Variants in SLIT3 observed in about 807,000 individuals in gnomAD.
SLIT3 encodes the protein slit guidance ligand 3, also known as slit homolog 3 protein.
SLIT3 carries 68 observed loss-of-function variants against 184.0 expected under a neutral mutation model. The observed-to-expected ratio is 0.37, with a 90% CI of 0.30 to 0.45. SLIT3 has a LOEUF of 0.45. Ranked by LOEUF, SLIT3 falls within the 20% of genes least tolerant of loss-of-function variation. The pLI is 1.00. For synonymous variants in SLIT3, 831 were observed against 828.6 expected (o/e 1.00, Z -0.05); for missense variants, 1,707 against 2,026.0 (o/e 0.84, Z 3.02).
At chr5:168,897,646 G>GCGCACA in intron 4 of SLIT3, among the ~76,000 whole-genome samples, 22 of 105,448 alleles carry the variant, frequency 2.1e-4, no homozygotes, top group Middle Eastern at 4.6e-3. Flanking sequence ...ACAGGTGCAC[G>GCGCACA]TACACACACA....
Position 169,203,340 on chromosome 5 carries a change from C to T in SLIT3, c.342-9790G>A, listed in dbSNP as rs1424151418. Among the ~76,000 whole-genome samples, 13 of 140,978 alleles carry T rather than the reference C, an allele frequency of 9.2e-5. No homozygotes were observed. In the Admixed American group the frequency reaches 9.8e-4, roughly 11 times the overall value. 92.5% of individuals were successfully genotyped at this position (140,978 alleles called of 152,430 possible). A position where few individuals can be genotyped will look rare whatever the true frequency, so the allele number is the denominator to read the frequency against. ...GGAAGAAAGCACATATTTATGCGTGCATGTGAATGTGCACACACACACACA... is the reference window on the plus strand; with the variant it reads ...GGAAGAAAGCACATATTTATGCGTGTATGTGAATGTGCACACACACACACA... On this transcript the variant is annotated intron_variant, in intron 3 of 35. Coordinates refer to ENST00000519560, the MANE Select transcript of SLIT3 (RefSeq NM_003062.4).
At chr5:168,823,165 T>C (rs1282008928) in intron 7 of SLIT3, 95 bp downstream of exon 7, 2 of 978,046 alleles carry the variant, frequency 2.0e-6, no homozygotes, top group African/African-American at 3.2e-5. Flanking sequence ...ATCTGCCTAG[T>C]CATAGCATGG....
At chr5:169,226,230 G>C (rs1281703639) in intron 3 of SLIT3, among the ~76,000 whole-genome samples, 4 of 152,248 alleles carry the variant, frequency 2.6e-5, no homozygotes, top group South Asian at 2.1e-4. Context: ...GAGCTCTCAG[G>C]AAACTGGGGA....
chr5:168,981,120 C>T (rs113543902), intron 4 of SLIT3, among the ~76,000 whole-genome samples: 1,688 of 152,188 alleles, frequency 0.011, 30 homozygotes, highest in African/African-American at 0.039. Flanking sequence ...ACATGCAAGG[C>T]GCTATTTAGA....
intron 5 of SLIT3, among the ~76,000 whole-genome samples, chr5:168,854,836 GGCA>G (rs1758804212): frequency 6.6e-6 from 1 of 152,166 alleles, no homozygotes; most frequent in Non-Finnish European, 1.5e-5. Context: ...GTATGTCTGT[GGCA>G]GCAGAAGCCA....
At chr5:169,248,437 A>C (rs931009814) in intron 2 of SLIT3, among the ~76,000 whole-genome samples, 1 of 152,170 alleles carries the variant, frequency 6.6e-6, no homozygotes, top group Non-Finnish European at 1.5e-5. Flanking sequence ...TGAATGAGCT[A>C]AGACCCTCCC....
chr5:169,261,132 C>T (rs1766158714), intron 1 of SLIT3, among the ~76,000 whole-genome samples: 2 of 152,168 alleles, frequency 1.3e-5, no homozygotes, highest in South Asian at 2.1e-4. Flanking sequence ...CTCTACTATG[C>T]CAGAGGCATA....
At chr5:168,850,867 A>G (rs1758642986) in intron 5 of SLIT3, among the ~76,000 whole-genome samples, 1 of 152,224 alleles carries the variant, frequency 6.6e-6, no homozygotes, top group Non-Finnish European at 1.5e-5. Flanking sequence ...ATTAGCCACA[A>G]AGAGGCACAC....
intron 3 of SLIT3, among the ~76,000 whole-genome samples, chr5:169,206,997 T>C (rs1023397786): frequency 6.6e-6 from 1 of 151,958 alleles, no homozygotes; most frequent in Non-Finnish European, 1.5e-5. Flanking sequence ...AAAGGGGCAC[T>C]TTTCAGATTG....
intron 3 of SLIT3, among the ~76,000 whole-genome samples, chr5:169,224,162 G>T (rs1344916291): frequency 2.6e-5 from 4 of 151,960 alleles, no homozygotes; most frequent in Non-Finnish European, 4.4e-5. Context: ...TTTTTAACTG[G>T]TAGAATGGGA....
chr5:168,821,161 A>G (rs888186145), intron 7 of SLIT3, among the ~76,000 whole-genome samples: 3 of 152,064 alleles, frequency 2.0e-5, no homozygotes, highest in Admixed American at 6.6e-5. Flanking sequence ...GACAACAGAA[A>G]CCAGTAGAAA....
intron 4 of SLIT3, among the ~76,000 whole-genome samples, chr5:169,064,863 G>A (rs539850830): frequency 3.3e-5 from 5 of 152,126 alleles, no homozygotes; most frequent in Admixed American, 1.3e-4. Context: ...TTTCCAGCCC[G>A]ACCTCCTCAT....
chr5:169,269,443 C>T (rs936424051), intron 1 of SLIT3, among the ~76,000 whole-genome samples: 6 of 152,222 alleles, frequency 3.9e-5, no homozygotes, highest in African/African-American at 1.4e-4. Flanking sequence ...AAATGTGTCC[C>T]CAAACAGCCA....
intron 14 of SLIT3, among the ~76,000 whole-genome samples, chr5:168,769,691 C>A (rs1755477269): frequency 6.6e-6 from 1 of 152,158 alleles, no homozygotes; most frequent in South Asian, 2.1e-4. Context: ...AGGGGAAATC[C>A]ATCCTGTTCG....
chr5:168,755,412 T>G (rs942249094), intron 16 of SLIT3, among the ~76,000 whole-genome samples: 1 of 26,408 alleles, frequency 3.8e-5, no homozygotes, highest in Non-Finnish European at 6.6e-5. Flanking sequence ...TTTCTTTCTT[T>G]CTTTCTTTCT....
chr5:168,698,129 T>G (rs1412405569), intron 27 of SLIT3, among the ~76,000 whole-genome samples: 1 of 152,178 alleles, frequency 6.6e-6, no homozygotes, highest in Non-Finnish European at 1.5e-5. Context: ...TTGCTGTTTT[T>G]GTGAGCAGGC....
rs2113181347 is a variant in SLIT3, at chr5:168,673,241, T to C, written c.3777A>G (p.Pro1259=). Residue 1259 remains proline (P), a synonymous_variant, in exon 33 of 36, where the codon CCA becomes CCG. Transcript: ENST00000519560. ...TLNLVVDKGT[P]KSLGKLQKQP... is the part of the protein sequence containing the mutation. ...GCTTCTGGAGCTTCCCCAGGCTCTT[T>C]GGAGTTCCTTTGTCCACTACTAGGT... The C allele has an allele frequency of 1.9e-6, 3 of 1,614,162 alleles. No homozygotes were observed. The highest frequency in any genetic ancestry group is 1.1e-5 in the South Asian group (1 of 91,082).
chr5:168,731,589 T>G (rs1341497557), intron 20 of SLIT3, among the ~76,000 whole-genome samples: 1 of 151,792 alleles, frequency 6.6e-6, no homozygotes, highest in Non-Finnish European at 1.5e-5. Context: ...CAAGAGCACA[T>G]CAAAAAGATA....
chr5:168,996,372 T>C (rs914514831), intron 4 of SLIT3, among the ~76,000 whole-genome samples: 1 of 152,130 alleles, frequency 6.6e-6, no homozygotes, highest in Non-Finnish European at 1.5e-5. Flanking sequence ...AATGGTTCCA[T>C]TTTCAGTGGA....
Sources: allele counts gnomAD v4.1 joint callset (sites outside exome capture counted in the v4.1 genomes callset), GRCh38; gene constraint gnomAD v4.1.1; transcripts MANE v1.5; gene names NCBI Gene and HGNC (gene_info 2026-07-23, HGNC 2026-07-21).